BTBD16: variants seen among roughly 807,000 people sequenced by gnomAD.
BTBD16 encodes BTB domain containing 16.
Under a neutral mutation model 67.4 loss-of-function variants are expected in BTBD16, and 66 were observed. The ratio of observed to expected loss-of-function variants is 0.98; its 90% CI spans 0.80 to 1.20. BTBD16 has a LOEUF of 1.20. Among genes scored for constraint, BTBD16 ranks in the 50% most tolerant of loss-of-function variants. BTBD16 has a pLI of 0.00. For missense variants in BTBD16, 634 were observed against 616.0 expected (o/e 1.03, Z -0.31); for synonymous variants, 242 against 236.4 (o/e 1.02, Z -0.22).
chr10:122,313,747 A>G (rs901476912), intron 10 of BTBD16, among the ~76,000 whole-genome samples: 2 of 152,208 alleles, frequency 1.3e-5, no homozygotes, highest in African/African-American at 4.8e-5. Context: ...AGGATGCACA[A>G]TTGATCCAGC....
intron 2 of BTBD16, among the ~76,000 whole-genome samples, chr10:122,276,589 A>G: frequency 6.6e-6 from 1 of 152,232 alleles, no homozygotes. Flanking sequence ...ATTCCAAATT[A>G]CTTTGTAGCT....
intron 10 of BTBD16, among the ~76,000 whole-genome samples, chr10:122,310,488 C>T (rs2142098465): frequency 6.6e-6 from 1 of 152,240 alleles, no homozygotes. Context: ...TGCAGGGAGT[C>T]ACGGACAGCC....
chr10:122,331,625 C>T (rs983869524), intron 12 of BTBD16, among the ~76,000 whole-genome samples: 6 of 152,156 alleles, frequency 3.9e-5, no homozygotes, highest in South Asian at 4.1e-4. Context: ...GGGGAACAAC[C>T]GCGTCTCATT....
chr10:122,292,480 G>GC (rs2096375876), intron 7 of BTBD16, among the ~76,000 whole-genome samples: 1 of 152,252 alleles, frequency 6.6e-6, no homozygotes, highest in Non-Finnish European at 1.5e-5. Flanking sequence ...AGGTCAGGGG[G>GC]CCCCAGAGCC....
chr10:122,287,684 A>G (rs1049425108), intron 5 of BTBD16, among the ~76,000 whole-genome samples: 3 of 152,208 alleles, frequency 2.0e-5, no homozygotes, highest in African/African-American at 7.2e-5. Context: ...TATCACTTTC[A>G]TGTTCTCAAT....
At chr10:122,329,632 C>T (rs1265720850) in intron 11 of BTBD16, 61 bp downstream of exon 11, 15 of 1,424,468 alleles carry the variant, frequency 1.1e-5, no homozygotes, top group African/African-American at 2.8e-5. Flanking sequence ...GCCCACCCCC[C>T]AGCCACTGCC....
intron 10 of BTBD16, among the ~76,000 whole-genome samples, chr10:122,316,978 G>A (rs374238526): frequency 6.6e-6 from 1 of 152,062 alleles, no homozygotes; most frequent in African/African-American, 2.4e-5. Flanking sequence ...TAGTAGAGAC[G>A]GGGTTTCTCC....
chr10:122,291,274 C>T (rs2096373648), intron 7 of BTBD16, 80 bp downstream of exon 7: 6 of 1,512,750 alleles, frequency 4.0e-6, no homozygotes, highest in African/African-American at 1.4e-5. Context: ...TTTGCTGGAA[C>T]ATTCCTCTTC....
In BTBD16 at chr10:122,299,072, G is replaced by T; in HGVS notation, c.729G>T (p.Gly243=). The T allele has an allele frequency of 1.9e-6, 3 of 1,614,036 alleles. No individual in the cohort carries two copies. Among genetic ancestry groups the T allele is most frequent in the Non-Finnish European group, 2.5e-6 (3 of 1,179,994 alleles). Residue 243 remains glycine, a synonymous_variant, in exon 9 of 16, where the codon GGG becomes GGT. Transcript: ENST00000260723. The stretch of plus-strand genomic sequence containing the variant: ...AAATGAACTTGGTTCCTCTAGGGGG[G>T]ACGCAGATCCACCTCCACAAAATCC... ...WLEMNLVPLG[G]TQIHLHKIPQ... is the part of the protein sequence containing the mutation.
intron 10 of BTBD16, among the ~76,000 whole-genome samples, chr10:122,322,635 A>G (rs1370649465): frequency 6.6e-6 from 1 of 152,228 alleles, no homozygotes; most frequent in Admixed American, 6.5e-5. Flanking sequence ...TTTGGAATCC[A>G]CGGTGATTTA....
At chr10:122,307,341 A>G in intron 10 of BTBD16, 33 bp downstream of exon 10, 1 of 1,566,630 alleles carries the variant, frequency 6.4e-7, no homozygotes, top group Non-Finnish European at 8.6e-7. Context: ...GATGAAATAC[A>G]CAAATACTGA....
intron 10 of BTBD16, among the ~76,000 whole-genome samples, chr10:122,311,148 A>C (rs1385163995): frequency 6.6e-6 from 1 of 152,186 alleles, no homozygotes; most frequent in Non-Finnish European, 1.5e-5. Context: ...TCATTCAACA[A>C]ATATTTTTTG....
At chr10:122,321,361 G>T (rs1431504239) in intron 10 of BTBD16, among the ~76,000 whole-genome samples, 1 of 152,114 alleles carries the variant, frequency 6.6e-6, no homozygotes, top group Non-Finnish European at 1.5e-5. Flanking sequence ...TTTCCTGTGG[G>T]TATATACCCA....
At chr10:122,298,209 A>C (rs1348425310) in intron 8 of BTBD16, among the ~76,000 whole-genome samples, 1 of 152,150 alleles carries the variant, frequency 6.6e-6, no homozygotes, top group Non-Finnish European at 1.5e-5. Flanking sequence ...ATCCAACCTC[A>C]TTCTCAGAGG....
chr10:122,282,880 G>A (rs577499496), intron 3 of BTBD16, among the ~76,000 whole-genome samples: 1 of 152,320 alleles, frequency 6.6e-6, no homozygotes, highest in East Asian at 1.9e-4. Context: ...CGGCAATGAA[G>A]TTTATTCTGA....
intron 4 of BTBD16, among the ~76,000 whole-genome samples, chr10:122,284,320 G>A (rs745865056): frequency 4.6e-5 from 7 of 152,052 alleles, no homozygotes; most frequent in Non-Finnish European, 8.8e-5. Flanking sequence ...GTAGTGGCAT[G>A]CACATGTAAT....
At chr10:122,305,296 G>C (rs1175072347) in intron 9 of BTBD16, among the ~76,000 whole-genome samples, 1 of 152,218 alleles carries the variant, frequency 6.6e-6, no homozygotes, top group Non-Finnish European at 1.5e-5. Context: ...TTAGATGTGT[G>C]TCCCCACCAA....
At chr10:122,313,034 G>A (rs372282484) in intron 10 of BTBD16, among the ~76,000 whole-genome samples, 27 of 148,186 alleles carry the variant, frequency 1.8e-4, no homozygotes, top group Middle Eastern at 4.1e-3. Flanking sequence ...GTGCTACCAC[G>A]CCTGGCTAAT....
Position 122,291,176 on chromosome 10 carries a change from T to A in BTBD16, c.572T>A (p.Phe191Tyr), listed in dbSNP as rs2096373458. 1 of 1,612,974 alleles carries A rather than the reference T, an allele frequency of 6.2e-7. No homozygotes were observed. Among genetic ancestry groups the A allele is most frequent in the Non-Finnish European group, 8.5e-7 (1 of 1,179,554 alleles). ...CTGGCTTCCGCCCACATCCTCCAGT[T>A]CAGTGGCCTGTTTCAAAGGTAAGGA... ...GVLASAHILQ[F>Y]SGLFQRCVDV... Residue 191 changes from phenylalanine to tyrosine, a missense_variant, in exon 7 of 16, where the codon TTC becomes TAC. Physicochemically the swap from Phe to Tyr is conservative, Grantham distance 22 (BLOSUM62 3). Coordinates refer to ENST00000260723, the MANE Select transcript of BTBD16 (RefSeq NM_144587.5).
Sources: gnomAD v4.1 joint callset for allele counts (sites outside exome capture counted in the v4.1 genomes callset) on GRCh38, gnomAD v4.1.1 for gene constraint, MANE v1.5 for transcripts, NCBI Gene and HGNC (gene_info 2026-07-23, HGNC 2026-07-21) for gene names.